The following IMMP2L variants were observed in gnomAD, a reference collection of about 807,000 sequenced individuals.
IMMP2L encodes the protein inner mitochondrial membrane peptidase subunit 2.
IMMP2L carries 18 observed loss-of-function variants against 19.3 expected under a neutral mutation model. That is an observed-to-expected ratio of 0.93 (90% CI 0.64 to 1.38). The LOEUF (loss-of-function observed/expected upper bound fraction) is 1.38, where lower values mean the gene tolerates loss of function less well. Ranked by LOEUF, IMMP2L falls within the 40% of genes most tolerant of loss-of-function variation. The probability of loss-of-function intolerance (pLI) is 0.00; values close to 1 mark genes in which losing one functional copy is unlikely to be tolerated. For missense variants in IMMP2L, 233 were observed against 218.2 expected, an observed-to-expected ratio of 1.07 and a Z score of -0.43; for synonymous variants, 76 against 73.0, an observed-to-expected ratio of 1.04 and a Z score of -0.21.
At chr7:111,211,190 T>C (rs1431483925) in intron 3 of IMMP2L, among the ~76,000 whole-genome samples, 1 of 152,118 alleles carries the variant, frequency 6.6e-6, no homozygotes, top group East Asian at 1.9e-4. Context: ...CCACATATGA[T>C]TAGCCTGCAT....
At chr7:110,674,195 G>A (rs1455972309) in intron 5 of IMMP2L, among the ~76,000 whole-genome samples, 1 of 152,118 alleles carries the variant, frequency 6.6e-6, no homozygotes, top group African/African-American at 2.4e-5. Context: ...AAGGAGAAAT[G>A]TCAAGCAAAA....
At chr7:110,882,187 T>C (rs1380933980) in intron 5 of IMMP2L, among the ~76,000 whole-genome samples, 1 of 152,156 alleles carries the variant, frequency 6.6e-6, no homozygotes, top group Non-Finnish European at 1.5e-5. Flanking sequence ...ACAGGTTCAG[T>C]GCACTCATTA....
Position 110,663,585 on chromosome 7 carries a change from C to T in IMMP2L, c.*17G>A. 1 of 1,612,982 alleles carries T rather than the reference C, an allele frequency of 6.2e-7. No individual in the cohort carries two copies. The highest frequency in any genetic ancestry group is 8.5e-7 in the Non-Finnish European group (1 of 1,179,272). ...AACTGGCCTCCCAATGCCAGCAACT[C>T]AGGTAGATTCATGCAGTCATTCCTC... On this transcript the variant is annotated 3_prime_UTR_variant, in exon 6 of 6. Coordinates refer to ENST00000405709, the MANE Select transcript of IMMP2L (RefSeq NM_032549.4).
In IMMP2L at chr7:110,762,053, C is replaced by G. The variant is rs1348842486; in HGVS notation, c.409-98332G>C. Among the ~76,000 whole-genome samples the G allele has an allele frequency of 2.6e-5, 4 of 152,208 alleles. No homozygotes were observed. The East Asian group carries it at 5.8e-4, about 22-fold the overall frequency. ...GAATTCTTTCTCTAACAGCCATCATCCCTTCCTTTCCAAAGAATCACGGAA... is the reference window on the plus strand; with the variant it reads ...GAATTCTTTCTCTAACAGCCATCATGCCTTCCTTTCCAAAGAATCACGGAA... On this transcript the variant is annotated intron_variant, in intron 5 of 5. Coordinates refer to ENST00000405709, the MANE Select transcript of IMMP2L (RefSeq NM_032549.4).
At chr7:110,928,796 T>C (rs966408039) in intron 4 of IMMP2L, among the ~76,000 whole-genome samples, 3 of 152,054 alleles carry the variant, frequency 2.0e-5, no homozygotes, top group Admixed American at 2.0e-4. Context: ...CTTTTTCAGG[T>C]CTTCTAAGCT....
chr7:110,832,582 T>C (rs989583500), intron 5 of IMMP2L, among the ~76,000 whole-genome samples: 1 of 152,080 alleles, frequency 6.6e-6, no homozygotes, highest in African/African-American at 2.4e-5. Context: ...ACTCAGAACG[T>C]TGTGAAGCCC....
At chr7:111,066,761 C>T (rs1318025264) in intron 3 of IMMP2L, among the ~76,000 whole-genome samples, 2 of 152,138 alleles carry the variant, frequency 1.3e-5, no homozygotes, top group Non-Finnish European at 2.9e-5. Flanking sequence ...TGTCTGATTG[C>T]CTGGAGGCCT....
At chr7:111,012,780 G>A (rs1446919052) in intron 3 of IMMP2L, among the ~76,000 whole-genome samples, 1 of 152,100 alleles carries the variant, frequency 6.6e-6, no homozygotes, top group Admixed American at 6.6e-5. Context: ...AAAGGCTTTA[G>A]CCCCTAACTT....
chr7:111,078,816 C>T (rs982836689), intron 3 of IMMP2L, among the ~76,000 whole-genome samples: 1 of 152,098 alleles, frequency 6.6e-6, no homozygotes, highest in Non-Finnish European at 1.5e-5. Flanking sequence ...CTGCAACCTC[C>T]ACCTACCAGG....
intron 3 of IMMP2L, among the ~76,000 whole-genome samples, chr7:111,339,276 T>C (rs1584702588): frequency 6.6e-6 from 1 of 151,926 alleles, no homozygotes; most frequent in Non-Finnish European, 1.5e-5. Context: ...ATCTCTCTCC[T>C]CCCTGGTTCA....
chr7:110,700,514 C>T (rs1220242957), intron 5 of IMMP2L, among the ~76,000 whole-genome samples: 1 of 152,196 alleles, frequency 6.6e-6, no homozygotes, highest in African/African-American at 2.4e-5. Flanking sequence ...TACTGTTTGA[C>T]CAGTAGTCAG....
chr7:111,383,177 G>C lies in IMMP2L; in HGVS notation c.239+104061C>G, dbSNP rs187458799. On this transcript the variant is annotated intron_variant, in intron 3 of 5. Coordinates refer to ENST00000405709, the MANE Select transcript of IMMP2L (RefSeq NM_032549.4). ...GTAGAGAGACTGAAGAGAATAAAGAGGGTTTCTCTCCTGTCTATATAACCC... is the reference window on the plus strand; with the variant it reads ...GTAGAGAGACTGAAGAGAATAAAGACGGTTTCTCTCCTGTCTATATAACCC... 8.3e-4 allele frequency among the ~76,000 whole-genome samples: 127 copies of C among 152,224 alleles called. 1 individual carries two copies. Among genetic ancestry groups the C allele is most frequent in the Non-Finnish European group, 1.2e-3 (83 of 68,008 alleles).
intron 5 of IMMP2L, among the ~76,000 whole-genome samples, chr7:110,703,512 T>C (rs1254773749): frequency 6.6e-6 from 1 of 152,216 alleles, no homozygotes; most frequent in Admixed American, 6.5e-5. Flanking sequence ...CTCTCAGAGA[T>C]AATTCCTTTT....
At chr7:111,242,753 T>C (rs1165151366) in intron 3 of IMMP2L, among the ~76,000 whole-genome samples, 1 of 151,940 alleles carries the variant, frequency 6.6e-6, no homozygotes, top group Non-Finnish European at 1.5e-5. Flanking sequence ...AACTAGATCA[T>C]GATAATGATT....
chr7:110,765,383 T>G (rs1373121053), intron 5 of IMMP2L, among the ~76,000 whole-genome samples: 1 of 152,146 alleles, frequency 6.6e-6, no homozygotes, highest in Non-Finnish European at 1.5e-5. Context: ...ATTCCAAGTT[T>G]GCAAAAATTG....
intron 5 of IMMP2L, among the ~76,000 whole-genome samples, chr7:110,797,797 G>C (rs1327448938): frequency 6.6e-6 from 1 of 152,000 alleles, no homozygotes; most frequent in East Asian, 1.9e-4. Context: ...GTTGAAATCT[G>C]CTAACAGAAA....
At chr7:110,920,597 T>C (rs776208812) in intron 4 of IMMP2L, among the ~76,000 whole-genome samples, 5 of 152,222 alleles carry the variant, frequency 3.3e-5, no homozygotes, top group Non-Finnish European at 7.3e-5. Flanking sequence ...ATGCTGAGAA[T>C]TGATCTTATG....
intron 3 of IMMP2L, among the ~76,000 whole-genome samples, chr7:111,479,079 T>C (rs1841966349): frequency 6.6e-6 from 1 of 152,172 alleles, no homozygotes; most frequent in Non-Finnish European, 1.5e-5. Context: ...CTTAGAGTGT[T>C]TTACCAGGGT....
At chr7:111,388,469 T>C (rs113538437) in intron 3 of IMMP2L, among the ~76,000 whole-genome samples, 3 of 151,960 alleles carry the variant, frequency 2.0e-5, no homozygotes, top group African/African-American at 4.8e-5. Flanking sequence ...AATAGATAGA[T>C]AGATGGAGAT....
Sources: allele counts gnomAD v4.1 joint callset (sites outside exome capture counted in the v4.1 genomes callset), GRCh38; gene constraint gnomAD v4.1.1; transcripts MANE v1.5; gene names NCBI Gene and HGNC (gene_info 2026-07-23, HGNC 2026-07-21).